The following GABRB1 variants were observed in gnomAD, a reference collection of about 807,000 sequenced individuals.
GABRB1 encodes the protein gamma-aminobutyric acid receptor subunit beta-1.
A neutral mutation model predicts 51.6 loss-of-function variants in GABRB1; 17 were observed. The observed-to-expected ratio is 0.33, with a 90% CI of 0.23 to 0.49. GABRB1 has a LOEUF of 0.49. Among genes scored for constraint, GABRB1 ranks in the 20% least tolerant of loss-of-function variants. The pLI, the probability that GABRB1 is intolerant of heterozygous loss-of-function variation, is 0.99. For missense variants in GABRB1, 410 were observed against 600.6 expected, an observed-to-expected ratio of 0.68 and a Z score of 3.32; for synonymous variants, 247 against 218.9, an observed-to-expected ratio of 1.13 and a Z score of -1.14.
intron 3 of GABRB1, among the ~76,000 whole-genome samples, chr4:47,160,763 T>A (rs1416464263): frequency 1.3e-5 from 2 of 150,874 alleles, no homozygotes; most frequent in African/African-American, 4.8e-5. Context: ...ATTATTTATT[T>A]ATTTATTTAT....
chr4:47,264,230 G>T (rs1722561027), intron 4 of GABRB1, among the ~76,000 whole-genome samples: 1 of 152,128 alleles, frequency 6.6e-6, no homozygotes, highest in Non-Finnish European at 1.5e-5. Flanking sequence ...TCATAGGAAA[G>T]ACTTAAACCC....
At chr4:47,131,226 C>G (rs964550765) in intron 3 of GABRB1, among the ~76,000 whole-genome samples, 7 of 151,898 alleles carry the variant, frequency 4.6e-5, no homozygotes, top group Admixed American at 4.6e-4. Flanking sequence ...GTGGCGCAAT[C>G]TCGGTTCACT....
chr4:47,166,922 ACT>A (rs893059398), intron 4 of GABRB1, among the ~76,000 whole-genome samples: 189 of 151,914 alleles, frequency 1.2e-3, no homozygotes, highest in African/African-American at 4.3e-3. Context: ...CCAGATGAAA[ACT>A]CTCTCTCATT....
chr4:47,114,857 C>T (rs944536896), intron 3 of GABRB1, among the ~76,000 whole-genome samples: 6 of 152,158 alleles, frequency 3.9e-5, no homozygotes, highest in Admixed American at 6.5e-5. Flanking sequence ...ACTATCTAAG[C>T]GCTGTGTCCT....
intron 3 of GABRB1, among the ~76,000 whole-genome samples, chr4:47,052,533 C>T (rs747114568): frequency 1.3e-5 from 2 of 152,176 alleles, no homozygotes; most frequent in Admixed American, 6.5e-5. Flanking sequence ...ATACAAACTC[C>T]GAAGTACGGA....
intron 3 of GABRB1, among the ~76,000 whole-genome samples, chr4:47,129,058 A>G (rs180690372): frequency 1.3e-5 from 2 of 152,244 alleles, no homozygotes; most frequent in Admixed American, 1.3e-4. Flanking sequence ...GATTGTACAA[A>G]TCCAACACAA....
chr4:47,261,040 G>A (rs961634580), intron 4 of GABRB1, among the ~76,000 whole-genome samples: 4 of 152,022 alleles, frequency 2.6e-5, no homozygotes, highest in Non-Finnish European at 5.9e-5. Flanking sequence ...GGTATTGATG[G>A]GACAAATCTC....
chr4:47,056,124 G>C (rs1384979106), intron 3 of GABRB1, among the ~76,000 whole-genome samples: 1 of 152,118 alleles, frequency 6.6e-6, no homozygotes, highest in Non-Finnish European at 1.5e-5. Flanking sequence ...AAAAATTGCA[G>C]CATCCTTTCT....
intron 8 of GABRB1, among the ~76,000 whole-genome samples, chr4:47,417,387 C>T (rs1019132901): frequency 6.6e-6 from 1 of 151,948 alleles, no homozygotes; most frequent in Non-Finnish European, 1.5e-5. Flanking sequence ...GTTTCCACTT[C>T]TGCCGCAAGC....
Position 47,015,260 on chromosome 4 carries a change from G to T in GABRB1, c.-19-16654G>T, listed in dbSNP as rs77860272. ...TAAATGAGACAGGAAAGAAAAGGCAGAGATTTAAGAGGACGTATAATAATA... is the reference window on the plus strand; with the variant it reads ...TAAATGAGACAGGAAAGAAAAGGCATAGATTTAAGAGGACGTATAATAATA... On this transcript the variant is annotated intron_variant, in intron 1 of 3. Transcript: ENST00000513567. Among the ~76,000 whole-genome samples, 285 of 152,286 alleles carry T rather than the reference G, an allele frequency of 1.9e-3. 2 individuals carry two copies. Among genetic ancestry groups the T allele is most frequent in the Non-Finnish European group, 1.8e-3 (120 of 68,016 alleles).
At position 47,061,765 on chromosome 4, in the gene GABRB1, C is replaced by A. The variant is rs138523156; in HGVS notation, c.240+29281C>A. Among the ~76,000 whole-genome samples, 710 of 152,252 alleles carry A rather than the reference C, an allele frequency of 4.7e-3. 6 individuals carry two copies. Among genetic ancestry groups the A allele is most frequent in the South Asian group, 0.016 (78 of 4,828 alleles). On this transcript the variant is annotated intron_variant, in intron 3 of 8. Coordinates refer to ENST00000295454, the MANE Select transcript of GABRB1 (RefSeq NM_000812.4). ...TGGTCTTCTTAGAATCTAATTTTAT[C>A]AACCTATGATTTCTCCTCAAAATGC...
intron 4 of GABRB1, among the ~76,000 whole-genome samples, chr4:47,314,383 A>G (rs1485061936): frequency 1.3e-5 from 2 of 152,184 alleles, no homozygotes; most frequent in East Asian, 1.9e-4. Flanking sequence ...TTGGCTATGT[A>G]AACTACTTTG....
intron 4 of GABRB1, among the ~76,000 whole-genome samples, chr4:47,208,432 T>C (rs1035338203): frequency 1.3e-5 from 2 of 152,128 alleles, no homozygotes; most frequent in Non-Finnish European, 2.9e-5. Context: ...TTGTATAACA[T>C]TGTGGATGTA....
chr4:47,259,665 C>T (rs909821479), intron 4 of GABRB1, among the ~76,000 whole-genome samples: 7 of 152,168 alleles, frequency 4.6e-5, no homozygotes, highest in South Asian at 4.2e-4. Flanking sequence ...ATATGACAAG[C>T]GGCTGAGGCA....
At chr4:47,425,341 T>G (rs908069028) in intron 8 of GABRB1, among the ~76,000 whole-genome samples, 1 of 151,960 alleles carries the variant, frequency 6.6e-6, no homozygotes, top group African/African-American at 2.4e-5. Flanking sequence ...TTTCTAGCTT[T>G]GTTTCCATGT....
At chr4:47,121,250 G>C (rs983267749) in intron 3 of GABRB1, among the ~76,000 whole-genome samples, 1 of 152,088 alleles carries the variant, frequency 6.6e-6, no homozygotes, top group African/African-American at 2.4e-5. Context: ...ACAGGAGTGA[G>C]TTTTAATGCA....
chr4:47,202,701 T>C (rs1337047043), intron 4 of GABRB1, among the ~76,000 whole-genome samples: 1 of 152,158 alleles, frequency 6.6e-6, no homozygotes, highest in African/African-American at 2.4e-5. Flanking sequence ...AAACACTTAA[T>C]TTCTAAAGAA....
chr4:47,178,159 C>T (rs923566792), intron 4 of GABRB1, among the ~76,000 whole-genome samples: 2 of 151,988 alleles, frequency 1.3e-5, no homozygotes, highest in African/African-American at 4.8e-5. Context: ...ACCAAAGGGG[C>T]ATACTCATTG....
At position 47,261,476 on chromosome 4, in the gene GABRB1, A is replaced by G. The variant is rs554019230; in HGVS notation, c.462-58651A>G. Among the ~76,000 whole-genome samples, 69 of 152,332 alleles carry G rather than the reference A, an allele frequency of 4.5e-4. No homozygotes were observed. The Middle Eastern group carries it at 0.01, about 23-fold the overall frequency. ...AAGAGAATAAAATACCTAGGAATCCAACTTACAAGGGACAGGAAGGACCTC... is the reference window on the plus strand; with the variant it reads ...AAGAGAATAAAATACCTAGGAATCCGACTTACAAGGGACAGGAAGGACCTC... On this transcript the variant is annotated intron_variant, in intron 4 of 8. Coordinates refer to ENST00000295454, the MANE Select transcript of GABRB1 (RefSeq NM_000812.4).
Sources: gnomAD v4.1 joint callset for allele counts (sites outside exome capture counted in the v4.1 genomes callset) on GRCh38, gnomAD v4.1.1 for gene constraint, MANE v1.5 for transcripts, NCBI Gene and HGNC (gene_info 2026-07-23, HGNC 2026-07-21) for gene names.